Variants in MGAT4C observed in about 807,000 individuals in gnomAD.
MGAT4C encodes alpha-1,3-mannosyl-glycoprotein 4-beta-N-acetylglucosaminyltransferase C.
MGAT4C carries 19 observed loss-of-function variants against 40.1 expected under a neutral mutation model. The ratio of observed to expected loss-of-function variants is 0.47; its 90% CI spans 0.33 to 0.70. The LOEUF (loss-of-function observed/expected upper bound fraction) is 0.70. Ranked by LOEUF, MGAT4C falls within the 30% of genes least tolerant of loss-of-function variation. The probability of loss-of-function intolerance (pLI) is 0.02; values close to 1 mark genes in which losing one functional copy is unlikely to be tolerated. For synonymous variants in MGAT4C, 181 were observed against 187.1 expected, an observed-to-expected ratio of 0.97 and a Z score of 0.27; for missense variants, 491 against 563.2, an observed-to-expected ratio of 0.87 and a Z score of 1.30.
At chr12:86,273,922 A>C (rs556051283) in intron 4 of MGAT4C, among the ~76,000 whole-genome samples, 102 of 152,324 alleles carry the variant, frequency 6.7e-4, no homozygotes, top group Non-Finnish European at 1.1e-3. Context: ...TGGCATTGCT[A>C]TAAAAAAATA....
At chr12:86,485,215 G>C (rs1958000182) in intron 2 of MGAT4C, among the ~76,000 whole-genome samples, 1 of 152,172 alleles carries the variant, frequency 6.6e-6, no homozygotes, top group Non-Finnish European at 1.5e-5. Flanking sequence ...GAGTATGCTA[G>C]TTCTCCAGCA....
At chr12:86,520,131 G>A (rs1276662131) in intron 2 of MGAT4C, among the ~76,000 whole-genome samples, 4 of 152,086 alleles carry the variant, frequency 2.6e-5, no homozygotes, top group African/African-American at 7.2e-5. Flanking sequence ...CTTGTGTCAT[G>A]GGGGTATGTT....
intron 1 of MGAT4C, among the ~76,000 whole-genome samples, chr12:86,052,632 A>T (rs977020375): frequency 6.6e-6 from 1 of 151,978 alleles, no homozygotes; most frequent in Non-Finnish European, 1.5e-5. Flanking sequence ...TTGGGAACAC[A>T]AAACATGAAA....
intron 4 of MGAT4C, among the ~76,000 whole-genome samples, chr12:86,314,256 G>T (rs1954145967): frequency 1.3e-5 from 2 of 152,118 alleles, no homozygotes; most frequent in African/African-American, 4.8e-5. Flanking sequence ...AGATGGAGGA[G>T]AGAGAAGGAT....
At chr12:86,207,098 G>A (rs185167146) in intron 1 of MGAT4C, among the ~76,000 whole-genome samples, 527 of 106,582 alleles carry the variant, frequency 4.9e-3, no homozygotes, top group African/African-American at 0.016. Flanking sequence ...ACCTATGTTG[G>A]ACCCTTTTTT....
At chr12:86,657,014 T>G (rs1565907825) in intron 2 of MGAT4C, among the ~76,000 whole-genome samples, 1 of 152,072 alleles carries the variant, frequency 6.6e-6, no homozygotes. Flanking sequence ...TATGTGTGCA[T>G]TTTGTTTATA....
intron 2 of MGAT4C, among the ~76,000 whole-genome samples, chr12:86,548,766 A>G (rs1396884544): frequency 6.6e-6 from 1 of 152,188 alleles, no homozygotes; most frequent in East Asian, 1.9e-4. Context: ...GTAAAATGTA[A>G]TAAAAACTAC....
intron 2 of MGAT4C, among the ~76,000 whole-genome samples, chr12:86,513,304 C>A (rs963901448): frequency 6.6e-6 from 1 of 152,040 alleles, no homozygotes; most frequent in Non-Finnish European, 1.5e-5. Context: ...TACCACATGA[C>A]TCAAATTCAT....
At chr12:86,214,960 C>T (rs1489528339) in intron 1 of MGAT4C, among the ~76,000 whole-genome samples, 2 of 152,092 alleles carry the variant, frequency 1.3e-5, no homozygotes, top group Non-Finnish European at 2.9e-5. Flanking sequence ...CTTGTAGATT[C>T]AATTTTCCAA....
At chr12:86,834,576 A>T (rs1474667723) in intron 1 of MGAT4C, among the ~76,000 whole-genome samples, 1 of 150,886 alleles carries the variant, frequency 6.6e-6, no homozygotes, top group Non-Finnish European at 1.5e-5. Context: ...CACCAAATGA[A>T]TATGATGATT....
intron 4 of MGAT4C, among the ~76,000 whole-genome samples, chr12:86,311,764 G>T (rs1023738355): frequency 1.3e-5 from 2 of 152,188 alleles, no homozygotes; most frequent in African/African-American, 4.8e-5. Flanking sequence ...TAGAGTCTTT[G>T]TCCACAGGTT....
intron 1 of MGAT4C, among the ~76,000 whole-genome samples, chr12:86,136,002 G>T (rs1163191319): frequency 6.6e-6 from 1 of 152,076 alleles, no homozygotes; most frequent in Non-Finnish European, 1.5e-5. Flanking sequence ...TGTAGTTTTG[G>T]TTTCTTCAGA....
chr12:86,411,275 A>G (rs1182655846), intron 3 of MGAT4C, among the ~76,000 whole-genome samples: 1 of 152,206 alleles, frequency 6.6e-6, no homozygotes, highest in Non-Finnish European at 1.5e-5. Flanking sequence ...AGAAGACAAG[A>G]AAATGAGGGA....
rs1883130656 is a variant in MGAT4C, at chr12:85,961,879, G to A, written c.*17410C>T. On this transcript the variant is annotated 3_prime_UTR_variant, in exon 5 of 5. Transcript: ENST00000611864. Reference sequence around the variant, plus strand: ...TAGGATTCTAAGGTTATTCTGTGACGATGGAACTTAATGATGTAAGAGTTA... The same window carrying A: ...TAGGATTCTAAGGTTATTCTGTGACAATGGAACTTAATGATGTAAGAGTTA... 1 of 151,824 alleles carries A rather than the reference G, an allele frequency of 6.6e-6. No homozygotes were observed. The highest frequency in any genetic ancestry group is 1.5e-5 in the Non-Finnish European group (1 of 67,776). 9.4% of individuals were successfully genotyped at this position (151,824 alleles called of 1,614,324 possible). A position where few individuals can be genotyped will look rare whatever the true frequency, so the allele number is the denominator to read the frequency against.
intron 2 of MGAT4C, among the ~76,000 whole-genome samples, chr12:86,480,014 C>T (rs1209826740): frequency 6.6e-6 from 1 of 151,742 alleles, no homozygotes; most frequent in Non-Finnish European, 1.5e-5. Flanking sequence ...ACATAATACC[C>T]TAAATAAATA....
intron 2 of MGAT4C, among the ~76,000 whole-genome samples, chr12:86,562,940 G>A (rs897711474): frequency 6.6e-6 from 1 of 152,106 alleles, no homozygotes; most frequent in Non-Finnish European, 1.5e-5. Flanking sequence ...GCTGAAACAT[G>A]GATAAAAAGA....
At chr12:86,409,520 AG>A (rs1956560982) in intron 3 of MGAT4C, among the ~76,000 whole-genome samples, 1 of 152,302 alleles carries the variant, frequency 6.6e-6, no homozygotes, top group Admixed American at 6.5e-5. Context: ...GCAAAAAAAA[AG>A]TTTGCACAAA....
intron 2 of MGAT4C, among the ~76,000 whole-genome samples, chr12:86,490,478 T>G (rs1357292358): frequency 1.3e-5 from 2 of 151,700 alleles, no homozygotes; most frequent in East Asian, 3.9e-4. Context: ...CATGCCAAAT[T>G]GTAAAGACCA....
intron 3 of MGAT4C, among the ~76,000 whole-genome samples, chr12:86,362,222 C>T (rs1235892369): frequency 6.6e-6 from 1 of 152,116 alleles, no homozygotes; most frequent in African/African-American, 2.4e-5. Context: ...TCATTCTCAG[C>T]AAACTATCGC....
Sources: allele counts gnomAD v4.1 joint callset (sites outside exome capture counted in the v4.1 genomes callset), GRCh38; gene constraint gnomAD v4.1.1; transcripts MANE v1.5; gene names NCBI Gene and HGNC (gene_info 2026-07-23, HGNC 2026-07-21).